The following PRKN variants were observed in gnomAD, a reference collection of about 807,000 sequenced individuals.
PRKN encodes the protein E3 ubiquitin-protein ligase parkin.
Under a neutral mutation model 59.5 loss-of-function variants are expected in PRKN, and 56 were observed. That is an observed-to-expected ratio of 0.94 (90% CI 0.76 to 1.18). The LOEUF (loss-of-function observed/expected upper bound fraction) is 1.18. Among genes scored for constraint, PRKN ranks in the 50% most tolerant of loss-of-function variants. The pLI, the probability that PRKN is intolerant of heterozygous loss-of-function variation, is 0.00. For missense variants in PRKN, 657 were observed against 596.4 expected (o/e 1.10, Z -1.06); for synonymous variants, 250 against 222.1 (o/e 1.13, Z -1.12).
intron 9 of PRKN, among the ~76,000 whole-genome samples, chr6:161,435,706 G>C (rs1788847702): frequency 6.6e-6 from 1 of 150,938 alleles, no homozygotes; most frequent in East Asian, 2.0e-4. Context: ...CCTTTACCAG[G>C]AATGATATTT....
At chr6:162,725,853 G>T (rs978568775) in intron 1 of PRKN, among the ~76,000 whole-genome samples, 5 of 151,860 alleles carry the variant, frequency 3.3e-5, no homozygotes, top group African/African-American at 1.2e-4. Flanking sequence ...CATTGTCCAT[G>T]ATCTTATATG....
chr6:161,424,439 C>A (rs1374855333), intron 9 of PRKN, among the ~76,000 whole-genome samples: 2 of 151,732 alleles, frequency 1.3e-5, no homozygotes, highest in Non-Finnish European at 2.9e-5. Flanking sequence ...ACAGAAGGGG[C>A]AAAGAGGAAG....
chr6:161,690,620 G>T (rs1289948850), intron 7 of PRKN, among the ~76,000 whole-genome samples: 1 of 152,140 alleles, frequency 6.6e-6, no homozygotes. Context: ...AAAAGCAGAT[G>T]GCCTCCCCAG....
At chr6:161,864,575 G>GAATCATGA (rs1794036202) in intron 6 of PRKN, among the ~76,000 whole-genome samples, 1 of 152,140 alleles carries the variant, frequency 6.6e-6, no homozygotes, top group East Asian at 1.9e-4. Flanking sequence ...TTTCACCCAT[G>GAATCATGA]AATCATGAAT....
At chr6:162,698,926 C>T (rs1163528990) in intron 1 of PRKN, among the ~76,000 whole-genome samples, 1 of 152,152 alleles carries the variant, frequency 6.6e-6, no homozygotes, top group Admixed American at 6.6e-5. Context: ...AAAAGCCAGA[C>T]CCAACAATAG....
chr6:161,353,185 G>A lies in PRKN; in HGVS notation c.1286-2974C>T, dbSNP rs1253882241. Reference sequence around the variant, plus strand: ...ATTCAGGCCTCAGAAACAGGCGCCAGAAAAGAGAATCTCTCCCTCCGACCT... The same window carrying A: ...ATTCAGGCCTCAGAAACAGGCGCCAAAAAAGAGAATCTCTCCCTCCGACCT... On this transcript the variant is annotated intron_variant, in intron 11 of 11. Transcript: ENST00000366898. This position sits in a 1 kb window ranked among gnomAD's most constrained non-coding sequence, Gnocchi z 4.8. Among the ~76,000 whole-genome samples the A allele has an allele frequency of 6.6e-6, 1 of 152,162 alleles. No homozygotes were observed. Among genetic ancestry groups the A allele is most frequent in the Non-Finnish European group, 1.5e-5 (1 of 68,034 alleles).
At chr6:161,569,897 G>A (rs1780804892) in intron 7 of PRKN, among the ~76,000 whole-genome samples, 1 of 151,944 alleles carries the variant, frequency 6.6e-6, no homozygotes, top group Non-Finnish European at 1.5e-5. Context: ...TCCATTCTTT[G>A]GGGGGCTCAG....
Position 161,582,371 on chromosome 6 carries a change from G to C in PRKN, c.872-12955C>G, listed in dbSNP as rs1161927162. ...AGATCTATACATTACAATGTTGGGCGCAGCAGATATAATCTGAACTAGGAA... is the reference window on the plus strand; with the variant it reads ...AGATCTATACATTACAATGTTGGGCCCAGCAGATATAATCTGAACTAGGAA... On this transcript the variant is annotated intron_variant, in intron 7 of 11. Coordinates refer to ENST00000366898, the MANE Select transcript of PRKN (RefSeq NM_004562.3). The surrounding 1 kb of genome is among the most constrained non-coding windows in gnomAD (Gnocchi z 4.4). Among the ~76,000 whole-genome samples the C allele has an allele frequency of 6.6e-6, 1 of 151,914 alleles. No individual in the cohort carries two copies. The highest frequency in any genetic ancestry group is 2.1e-4 in the South Asian group (1 of 4,810).
chr6:161,874,235 T>TATATATATTATATGTAAA lies in PRKN; in HGVS notation c.735-88328_735-88327insTTTACATATAATATATAT, dbSNP rs1794525632. Among the ~76,000 whole-genome samples the TATATATATTATATGTAAA allele has an allele frequency of 8.0e-4, 7 of 8,738 alleles. 1 individual carries two copies. Among genetic ancestry groups the TATATATATTATATGTAAA allele is most frequent in the Non-Finnish European group, 1.3e-3 (4 of 3,168 alleles). 5.7% of individuals were successfully genotyped at this position (8,738 alleles called of 152,430 possible). A position where few individuals can be genotyped will look rare whatever the true frequency, so the allele number is the denominator to read the frequency against. On this transcript the variant is annotated intron_variant, in intron 6 of 11. Transcript: ENST00000366898. ...AAAATATAATATATATTATATATAATATATAATATATAATATATATTATAT... is the reference window on the plus strand; with the variant it reads ...AAAATATAATATATATTATATATAATATATATATTATATGTAAAATATAATATATAATATATATTATAT...
In PRKN at chr6:162,095,125, G is replaced by A. The variant is rs562165573; in HGVS notation, c.535-40951C>T. ...CTGGGTCTTCAGGGGAAGGCTTTTC[G>A]ACAAGGTGGCTTTAGAATTACTACA... On this transcript the variant is annotated intron_variant, in intron 4 of 11. Transcript: ENST00000366898. 1.4e-4 allele frequency among the ~76,000 whole-genome samples: 21 copies of A among 152,278 alleles called. No individual in the cohort carries two copies. The East Asian group carries it at 2.9e-3, about 21-fold the overall frequency.
chr6:162,704,233 G>A (rs763607150), intron 1 of PRKN, among the ~76,000 whole-genome samples: 34 of 152,120 alleles, frequency 2.2e-4, no homozygotes, highest in Non-Finnish European at 3.8e-4. Context: ...ACTGCGGGGG[G>A]GTTGTAGGCA....
At chr6:162,275,333 C>A (rs972004914) in intron 2 of PRKN, 3 of 151,596 alleles carry the variant, frequency 2.0e-5, no homozygotes, top group Non-Finnish European at 4.4e-5. Flanking sequence ...ATATTTCTAT[C>A]AAGATAAATT....
At position 162,557,800 on chromosome 6, in the gene PRKN, A is replaced by G. The variant is rs906913107; in HGVS notation, c.8-114327T>C. Among the ~76,000 whole-genome samples the G allele has an allele frequency of 9.2e-5, 14 of 152,024 alleles. No homozygotes were observed. In the East Asian group the frequency reaches 2.5e-3, roughly 27 times the overall value. On this transcript the variant is annotated intron_variant, in intron 1 of 11. Transcript: ENST00000366898. ...GCTGGGATTACAGGCGTGAGCCACT[A>G]TGCTCGGCGGATGGTGCTGTTAACA...
At chr6:161,992,313 C>G (rs1035658832) in intron 5 of PRKN, among the ~76,000 whole-genome samples, 4 of 152,076 alleles carry the variant, frequency 2.6e-5, no homozygotes, top group Non-Finnish European at 5.9e-5. Flanking sequence ...GCACTCCAGC[C>G]TGGGCAAAAG....
intron 6 of PRKN, among the ~76,000 whole-genome samples, chr6:161,905,755 A>G (rs1035021898): frequency 6.6e-6 from 1 of 151,808 alleles, no homozygotes; most frequent in African/African-American, 2.4e-5. Flanking sequence ...GAGGTTAGGC[A>G]TTCAAGACCA....
intron 2 of PRKN, among the ~76,000 whole-genome samples, chr6:162,418,661 T>TGTGTGTGTGTGTGTGTGTGTGTGCGTGCG (rs1398856017): frequency 6.9e-6 from 1 of 145,658 alleles, no homozygotes; most frequent in Non-Finnish European, 1.5e-5. Context: ...TGCGTGTGTG[T>TGTGTGTGTGTGTGTGTGTGTGTGCGTGCG]TGAGGGGGGG....
At chr6:161,422,148 T>A (rs4374805) in intron 9 of PRKN, among the ~76,000 whole-genome samples, 1 of 151,490 alleles carries the variant, frequency 6.6e-6, no homozygotes, top group African/African-American at 2.4e-5. Flanking sequence ...CAGTTGAAAG[T>A]AAAACAGTAA....
At chr6:161,563,757 T>C (rs1780538656) in intron 8 of PRKN, among the ~76,000 whole-genome samples, 1 of 152,186 alleles carries the variant, frequency 6.6e-6, no homozygotes, top group African/African-American at 2.4e-5. Context: ...ATTAGAGGTC[T>C]GCTGTGGGTC....
chr6:162,177,646 C>CG (rs1783600900), intron 4 of PRKN, among the ~76,000 whole-genome samples: 1 of 150,070 alleles, frequency 6.7e-6, no homozygotes. Context: ...TATAATTAAG[C>CG]GAAAAAAAAA....
Sources: allele counts gnomAD v4.1 joint callset (sites outside exome capture counted in the v4.1 genomes callset), GRCh38; gene constraint gnomAD v4.1.1; non-coding constraint Gnocchi (gnomAD v3.1); transcripts MANE v1.5; gene names NCBI Gene and HGNC (gene_info 2026-07-23, HGNC 2026-07-21).